The following GRIK4 variants were observed in gnomAD, a reference collection of about 807,000 sequenced individuals.
GRIK4 encodes the protein glutamate ionotropic receptor kainate type subunit 4, also known as glutamate receptor ionotropic, kainate 4.
A neutral mutation model predicts 104.9 loss-of-function variants in GRIK4; 40 were observed. That is an observed-to-expected ratio of 0.38 (90% CI 0.30 to 0.50). The LOEUF (loss-of-function observed/expected upper bound fraction) is 0.50, where lower values mean the gene tolerates loss of function less well. Ranked by LOEUF, GRIK4 falls within the 20% of genes least tolerant of loss-of-function variation. GRIK4 has a pLI of 0.93. For synonymous variants in GRIK4, 485 were observed against 524.9 expected (o/e 0.92, Z 1.04); for missense variants, 1,047 against 1,308.1 (o/e 0.80, Z 3.08).
chr11:120,530,227 A>G (rs1275881512), intron 1 of GRIK4, among the ~76,000 whole-genome samples: 3 of 152,396 alleles, frequency 2.0e-5, no homozygotes, highest in East Asian at 3.8e-4. Context: ...TTTATTACTC[A>G]TGCTCCACTG....
intron 13 of GRIK4, among the ~76,000 whole-genome samples, chr11:120,912,263 T>C (rs963957981): frequency 3.3e-5 from 5 of 152,038 alleles, no homozygotes; most frequent in African/African-American, 4.8e-5. Flanking sequence ...GCTTTGGAAA[T>C]GGTAAGTTTG....
rs114776965 is a variant in GRIK4 at position 120,623,083 on chromosome 11, C to T, written c.-158-30602C>T. 5.7e-3 allele frequency among the ~76,000 whole-genome samples: 865 copies of T among 152,296 alleles called. 6 individuals carry two copies. Among genetic ancestry groups the T allele is most frequent in the African/African-American group, 0.019 (794 of 41,568 alleles). On this transcript the variant is annotated intron_variant, in intron 1 of 20. Coordinates refer to ENST00000527524, the MANE Select transcript of GRIK4 (RefSeq NM_014619.5). ...GTTCTCCTAACTATTCTTTTTGCAT[C>T]TCAAATTGTCCCATCTTTGGCCTGT...
At chr11:120,608,527 A>G (rs1370996676) in intron 1 of GRIK4, among the ~76,000 whole-genome samples, 1 of 152,088 alleles carries the variant, frequency 6.6e-6, no homozygotes, top group African/African-American at 2.4e-5. Context: ...GCCCCTACCC[A>G]TACTGAGAGG....
In GRIK4 at chr11:120,555,594, C is replaced by T. The variant is rs1408492880; in HGVS notation, c.-159+43707C>T. ...GTCCGCCTGCCTTTCCCGACCTACC[C>T]ACTTCTGGGGAGTTTCTTATCTGGC... is the stretch of plus-strand genomic sequence containing the variant. On this transcript the variant is annotated intron_variant, in intron 1 of 20. Coordinates refer to ENST00000527524, the MANE Select transcript of GRIK4 (RefSeq NM_014619.5). This position sits in a 1 kb window ranked among gnomAD's most constrained non-coding sequence, Gnocchi z 5.3. Among the ~76,000 whole-genome samples, 1 of 152,182 alleles carries T rather than the reference C, an allele frequency of 6.6e-6. No homozygotes were observed. The highest frequency in any genetic ancestry group is 1.5e-5 in the Non-Finnish European group (1 of 68,030).
chr11:120,648,871 A>G (rs1949578377), intron 1 of GRIK4, among the ~76,000 whole-genome samples: 1 of 152,226 alleles, frequency 6.6e-6, no homozygotes. Flanking sequence ...TAAAAATGCA[A>G]ACAATAGAGA....
intron 4 of GRIK4, among the ~76,000 whole-genome samples, chr11:120,809,325 G>C (rs149386696): frequency 9.2e-5 from 14 of 152,298 alleles, no homozygotes; most frequent in African/African-American, 3.1e-4. Context: ...TGCTGCCTGG[G>C]AGGAAGAGGT....
chr11:120,958,384 C>A (rs889480271), intron 16 of GRIK4, among the ~76,000 whole-genome samples: 2 of 152,228 alleles, frequency 1.3e-5, no homozygotes, highest in East Asian at 1.9e-4. Flanking sequence ...GAATGCAAGC[C>A]GCCGTGACAG....
rs146696401 is a variant in GRIK4 at position 120,672,858 on chromosome 11, A to C, written c.82+12458A>C. Among the ~76,000 whole-genome samples the C allele has an allele frequency of 1.3e-3, 204 of 152,338 alleles. 1 individual carries two copies. Among genetic ancestry groups the C allele is most frequent in the Non-Finnish European group, 1.7e-3 (119 of 68,028 alleles). On this transcript the variant is annotated intron_variant, in intron 3 of 20. Coordinates refer to ENST00000527524, the MANE Select transcript of GRIK4 (RefSeq NM_014619.5). ...GACAGGCTTTTCTAAATATATAATC[A>C]TGTCATCTGCAAACAGAGATAATTT...
chr11:120,776,791 G>A (rs1431179380), intron 3 of GRIK4, among the ~76,000 whole-genome samples: 5 of 152,198 alleles, frequency 3.3e-5, no homozygotes, highest in Non-Finnish European at 7.3e-5. Flanking sequence ...CCTGTTGGCT[G>A]GAGGCCTTAG....
chr11:120,765,101 C>T (rs369040782), intron 3 of GRIK4, among the ~76,000 whole-genome samples: 13 of 152,180 alleles, frequency 8.5e-5, no homozygotes, highest in East Asian at 5.8e-4. Context: ...ACCAATCAAA[C>T]GTAGGTTTTG....
chr11:120,983,232 G>A (rs658696), intron 20 of GRIK4, among the ~76,000 whole-genome samples: 35,551 of 151,948 alleles, frequency 0.23, 4,354 homozygotes, highest in African/African-American at 0.3. Flanking sequence ...GTCCACCATT[G>A]TGAACGTGTC....
At chr11:120,689,109 G>A (rs73010292) in intron 3 of GRIK4, among the ~76,000 whole-genome samples, 5,762 of 152,244 alleles carry the variant, frequency 0.038, 186 homozygotes, top group Middle Eastern at 0.061. Flanking sequence ...CAGGGCTTGG[G>A]TAAGCCACAG....
intron 1 of GRIK4, among the ~76,000 whole-genome samples, chr11:120,583,377 G>GTT (rs1948614153): frequency 6.6e-6 from 1 of 152,134 alleles, no homozygotes; most frequent in South Asian, 2.1e-4. Flanking sequence ...ATCAATTTTT[G>GTT]TTTCTGTTGG....
chr11:120,636,795 G>C (rs1458365666), intron 1 of GRIK4, among the ~76,000 whole-genome samples: 1 of 152,060 alleles, frequency 6.6e-6, no homozygotes, highest in Non-Finnish European at 1.5e-5. Context: ...AGCCAAGATC[G>C]TGCCATTGCA....
At chr11:120,781,827 A>G (rs1027747692) in intron 3 of GRIK4, among the ~76,000 whole-genome samples, 7 of 152,176 alleles carry the variant, frequency 4.6e-5, no homozygotes, top group African/African-American at 1.7e-4. Context: ...CACACCTGGA[A>G]TAAGACAGAT....
chr11:120,757,036 C>T lies in GRIK4; in HGVS notation c.83-45657C>T, dbSNP rs116446268. On this transcript the variant is annotated intron_variant, in intron 3 of 20. Transcript: ENST00000527524. The stretch of plus-strand genomic sequence containing the variant: ...GTGTGTGCTCATCAGTTTGATGGCC[C>T]GTGAGTGTCTTTTCTCACTGACACA... Among the ~76,000 whole-genome samples the T allele has an allele frequency of 6.7e-3, 1,020 of 152,256 alleles. 16 individuals are homozygous for T. The highest frequency in any genetic ancestry group is 0.022 in the African/African-American group (908 of 41,546).
At chr11:120,605,999 CTCTT>C (rs747870718) in intron 1 of GRIK4, among the ~76,000 whole-genome samples, 2 of 152,212 alleles carry the variant, frequency 1.3e-5, no homozygotes, top group Non-Finnish European at 2.9e-5. Flanking sequence ...CTCTTTTTCT[CTCTT>C]TCCTCCCATC....
chr11:120,927,829 GA>G (rs1813384732), intron 13 of GRIK4, among the ~76,000 whole-genome samples: 1 of 152,022 alleles, frequency 6.6e-6, no homozygotes, highest in South Asian at 2.1e-4. Context: ...TTTGATAACT[GA>G]ATTTCTATGT....
At chr11:120,693,291 G>A (rs985416837) in intron 3 of GRIK4, among the ~76,000 whole-genome samples, 1 of 151,556 alleles carries the variant, frequency 6.6e-6, no homozygotes, top group Non-Finnish European at 1.5e-5. Flanking sequence ...TTTTAGTAGA[G>A]ATAGGGTTTC....
Sources: gnomAD v4.1 joint callset for allele counts (sites outside exome capture counted in the v4.1 genomes callset) on GRCh38, gnomAD v4.1.1 for gene constraint, Gnocchi (gnomAD v3.1) non-coding constraint, MANE v1.5 for transcripts, NCBI Gene and HGNC (gene_info 2026-07-23, HGNC 2026-07-21) for gene names.